The following ZNF567 variants were observed in gnomAD, a reference collection of about 807,000 sequenced individuals.
ZNF567 encodes zinc finger protein 567.
ZNF567 carries 36 observed loss-of-function variants against 53.9 expected under a neutral mutation model. The ratio of observed to expected loss-of-function variants is 0.67; its 90% CI spans 0.51 to 0.88. The LOEUF (loss-of-function observed/expected upper bound fraction) is 0.88, where lower values mean the gene tolerates loss of function less well. Among genes scored for constraint, ZNF567 ranks in the 40% least tolerant of loss-of-function variants. The pLI, the probability that ZNF567 is intolerant of heterozygous loss-of-function variation, is 0.00. For synonymous variants in ZNF567, 224 were observed against 260.4 expected, an observed-to-expected ratio of 0.86 and a Z score of 1.35; for missense variants, 619 against 764.7, an observed-to-expected ratio of 0.81 and a Z score of 2.25.
intron 3 of ZNF567, chr19:36,703,877 G>A (rs147630373): frequency 0.013 from 1,968 of 153,160 alleles, 19 homozygotes; most frequent in Middle Eastern, 0.037. Flanking sequence ...GACCCCTTGC[G>A]CTTCCCGAGT....
chr19:36,702,922 A>G (rs994496101), intron 3 of ZNF567, among the ~76,000 whole-genome samples: 10 of 151,310 alleles, frequency 6.6e-5, no homozygotes. Flanking sequence ...TCTTCTCTCA[A>G]CTCGTCAAAG....
chr19:36,687,893 G>A (rs1267133525), intron 1 of ZNF567, among the ~76,000 whole-genome samples: 1 of 152,190 alleles, frequency 6.6e-6, no homozygotes, highest in Non-Finnish European at 1.5e-5. Context: ...GCTCCCCAGT[G>A]GCAGGAATTT....
At chr19:36,718,189 G>A (rs1429092262) in intron 5 of ZNF567, among the ~76,000 whole-genome samples, 1 of 152,094 alleles carries the variant, frequency 6.6e-6, no homozygotes, top group African/African-American at 2.4e-5. Context: ...CAGTCATCTA[G>A]GGATGTGTGT....
chr19:36,678,623 T>C, the ZNF567 span, among the ~76,000 whole-genome samples: 2 of 151,632 alleles, frequency 1.3e-5, no homozygotes, highest in African/African-American at 2.4e-5. Context: ...GGTGGGTGGA[T>C]CATGAGGTCA....
intron 1 of ZNF567, among the ~76,000 whole-genome samples, chr19:36,688,583 C>G (rs1032818551): frequency 1.4e-5 from 2 of 142,916 alleles, no homozygotes; most frequent in Admixed American, 7.0e-5. Flanking sequence ...TGAGGCGGGC[C>G]GATCACGACG....
intron 3 of ZNF567, among the ~76,000 whole-genome samples, chr19:36,705,296 A>G (rs2145749907): frequency 6.6e-6 from 1 of 152,224 alleles, no homozygotes; most frequent in Admixed American, 6.5e-5. Flanking sequence ...TTGAGTTAAG[A>G]CATTTCTTTT....
chr19:36,674,149 T>C, the ZNF567 span, among the ~76,000 whole-genome samples: 1 of 152,218 alleles, frequency 6.6e-6, no homozygotes, highest in Non-Finnish European at 1.5e-5. Context: ...CTTGTAATAC[T>C]ATTTAGTTCA....
At chr19:36,688,345 A>C (rs1051879769) in intron 1 of ZNF567, among the ~76,000 whole-genome samples, 1 of 152,204 alleles carries the variant, frequency 6.6e-6, no homozygotes, top group Non-Finnish European at 1.5e-5. Flanking sequence ...GGAGTGCTTG[A>C]GAAACCGAGT....
intron 5 of ZNF567, among the ~76,000 whole-genome samples, chr19:36,715,499 TAATA>T (rs2040008044): frequency 2.6e-5 from 1 of 39,190 alleles, no homozygotes; most frequent in South Asian, 7.0e-4. Flanking sequence ...ATAATAATAA[TAATA>T]ATAATAATTA....
intron 3 of ZNF567, among the ~76,000 whole-genome samples, chr19:36,699,775 A>G (rs993688469): frequency 2.6e-5 from 4 of 151,452 alleles, no homozygotes; most frequent in African/African-American, 9.7e-5. Flanking sequence ...TTGATTTTGT[A>G]TCCTGAGACT....
chr19:36,722,929 GC>G (rs1162169709), downstream of ZNF567, among the ~76,000 whole-genome samples: 10 of 151,966 alleles, frequency 6.6e-5, no homozygotes, highest in Non-Finnish European at 1.0e-4. Flanking sequence ...ATTAAATTTA[GC>G]CTTAATAATT....
the ZNF567 span, among the ~76,000 whole-genome samples, chr19:36,678,255 C>G: frequency 2.6e-5 from 4 of 152,150 alleles, no homozygotes; most frequent in African/African-American, 9.7e-5. Context: ...TCCCTTCAGT[C>G]TGAGTTCCCA....
At chr19:36,690,327 T>G (rs2038533854) in intron 2 of ZNF567, among the ~76,000 whole-genome samples, 1 of 152,222 alleles carries the variant, frequency 6.6e-6, no homozygotes, top group Non-Finnish European at 1.5e-5. Context: ...GCTTGGTGGC[T>G]CATACCTGTA....
intron 2 of ZNF567, among the ~76,000 whole-genome samples, chr19:36,694,089 T>C (rs1195724545): frequency 6.6e-6 from 1 of 152,128 alleles, no homozygotes; most frequent in East Asian, 1.9e-4. Context: ...CTTGGGAGGC[T>C]GAGACAGAAT....
At chr19:36,686,503 T>C (rs1600478794), upstream of ZNF567, 1 of 143,396 alleles carries the variant, frequency 7.0e-6, no homozygotes, top group Admixed American at 7.1e-5. Flanking sequence ...GTCACTGATA[T>C]CCAGGACTGG....
chr19:36,694,554 A>G (rs1316209495), intron 2 of ZNF567, among the ~76,000 whole-genome samples: 1 of 152,122 alleles, frequency 6.6e-6, no homozygotes, highest in African/African-American at 2.4e-5. Flanking sequence ...ACTAGGAGAG[A>G]AAAGGTAGTG....
the ZNF567 span, among the ~76,000 whole-genome samples, chr19:36,674,272 G>A: frequency 6.6e-6 from 1 of 152,178 alleles, no homozygotes; most frequent in African/African-American, 2.4e-5. Flanking sequence ...CTTGGAAGAA[G>A]CACAAATTAC....
chr19:36,724,357 A>G (rs920566685), downstream of ZNF567, among the ~76,000 whole-genome samples: 52 of 151,562 alleles, frequency 3.4e-4, no homozygotes, highest in African/African-American at 1.3e-3. Context: ...TGGCTTCACT[A>G]TTTTACATTA....
chr19:36,685,496 G>A (rs2038247893), upstream of ZNF567: 1 of 150,788 alleles, frequency 6.6e-6, no homozygotes, highest in Non-Finnish European at 1.5e-5. Context: ...ATGCAAAGTT[G>A]GTCAAGACAT....
Sources: allele counts gnomAD v4.1 joint callset (sites outside exome capture counted in the v4.1 genomes callset), GRCh38; gene constraint gnomAD v4.1.1; transcripts MANE v1.5; gene names NCBI Gene and HGNC (gene_info 2026-07-23, HGNC 2026-07-21).